Variants in DLGAP2 observed in about 807,000 individuals in gnomAD.
DLGAP2 encodes the protein DLG associated protein 2, also known as disks large-associated protein 2.
In DLGAP2, 26 loss-of-function variants were observed where a neutral mutation model predicts 100.3. That is an observed-to-expected ratio of 0.26 (90% CI 0.19 to 0.36). The LOEUF (loss-of-function observed/expected upper bound fraction) is 0.36. Ranked by LOEUF, DLGAP2 falls within the 10% of genes least tolerant of loss-of-function variation. The probability of loss-of-function intolerance (pLI) is 1.00; values close to 1 mark genes in which losing one functional copy is unlikely to be tolerated. For missense variants in DLGAP2, 1,858 were observed against 1,453.2 expected (o/e 1.28, Z -4.53); for synonymous variants, 886 against 630.1 (o/e 1.41, Z -6.08).
At chr8:974,526 G>C (rs1800113844) in intron 2 of DLGAP2, among the ~76,000 whole-genome samples, 1 of 152,092 alleles carries the variant, frequency 6.6e-6, no homozygotes, top group Admixed American at 6.5e-5. Flanking sequence ...AAATTTAAAA[G>C]ACTAGAAGTA....
At chr8:1,112,030 G>A (rs887522001) in intron 2 of DLGAP2, among the ~76,000 whole-genome samples, 2 of 152,078 alleles carry the variant, frequency 1.3e-5, no homozygotes, top group East Asian at 1.9e-4. Flanking sequence ...CACCGACAGT[G>A]TATAAGTGTT....
intron 2 of DLGAP2, among the ~76,000 whole-genome samples, chr8:1,187,185 G>A (rs1049527398): frequency 6.6e-6 from 1 of 152,180 alleles, no homozygotes; most frequent in African/African-American, 2.4e-5. Flanking sequence ...ACAACACCTG[G>A]GACCTCTGTG....
intron 2 of DLGAP2, among the ~76,000 whole-genome samples, chr8:1,031,228 G>T (rs1359209028): frequency 1.3e-5 from 2 of 152,126 alleles, no homozygotes; most frequent in Non-Finnish European, 2.9e-5. Flanking sequence ...AGGGTGGCAA[G>T]AGAGGAGGGC....
intron 2 of DLGAP2, among the ~76,000 whole-genome samples, chr8:1,142,726 A>G (rs958131075): frequency 2.0e-5 from 3 of 152,054 alleles, no homozygotes; most frequent in African/African-American, 7.2e-5. Flanking sequence ...TCATCCCTGC[A>G]TTATTGGAGT....
intron 3 of DLGAP2, among the ~76,000 whole-genome samples, chr8:1,465,100 G>C (rs1488383253): frequency 6.6e-6 from 1 of 152,196 alleles, no homozygotes; most frequent in Non-Finnish European, 1.5e-5. Flanking sequence ...ACATTCACCT[G>C]GCGGGAACCT....
intron 1 of DLGAP2, among the ~76,000 whole-genome samples, chr8:771,546 G>C (rs1460760645): frequency 6.6e-6 from 1 of 152,184 alleles, no homozygotes; most frequent in East Asian, 1.9e-4. Context: ...AAAATTTGTG[G>C]ATTGCCAGGG....
intron 2 of DLGAP2, among the ~76,000 whole-genome samples, chr8:1,021,821 G>T (rs1020835321): frequency 6.6e-6 from 1 of 152,122 alleles, no homozygotes; most frequent in Non-Finnish European, 1.5e-5. Context: ...GTCAGTGGTG[G>T]GAGGAGGCAG....
chr8:778,656 G>A (rs1344444775), intron 1 of DLGAP2, among the ~76,000 whole-genome samples: 1 of 152,184 alleles, frequency 6.6e-6, no homozygotes, highest in African/African-American at 2.4e-5. Flanking sequence ...GCTGCTCAGG[G>A]GTCAGGGGTC....
rs188780190 is a variant in DLGAP2 at position 1,392,264 on chromosome 8, C to T, written c.107-109102C>T. Among the ~76,000 whole-genome samples the T allele has an allele frequency of 9.4e-3, 1,435 of 152,216 alleles. 10 individuals are homozygous for T. The highest frequency in any genetic ancestry group is 0.014 in the Non-Finnish European group (974 of 68,012). ...AGGATGAGTCATTCCTCCATGAGTC[C>T]AGATCCCAGGTCGAGGCGCAGTCCA... is the stretch of plus-strand genomic sequence containing the variant. On this transcript the variant is annotated intron_variant, in intron 3 of 14. Coordinates refer to ENST00000637795, the MANE Select transcript of DLGAP2 (RefSeq NM_001346810.2).
intron 1 of DLGAP2, among the ~76,000 whole-genome samples, chr8:904,730 C>T (rs1170677755): frequency 6.6e-6 from 1 of 152,192 alleles, no homozygotes; most frequent in Non-Finnish European, 1.5e-5. Context: ...GGGGTGACCG[C>T]TGAGTATATT....
intron 13 of DLGAP2, among the ~76,000 whole-genome samples, chr8:1,693,179 C>T (rs1211259771): frequency 6.8e-6 from 1 of 147,082 alleles, no homozygotes; most frequent in Non-Finnish European, 1.5e-5. Flanking sequence ...TTTATATATA[C>T]AAATATATAG....
At chr8:847,151 A>T (rs1020847518) in intron 1 of DLGAP2, among the ~76,000 whole-genome samples, 4 of 152,200 alleles carry the variant, frequency 2.6e-5, no homozygotes, top group Non-Finnish European at 5.9e-5. Context: ...CTGATTCAAT[A>T]ACTGTTATGG....
At chr8:1,572,690 G>T (rs1317549344) in intron 6 of DLGAP2, among the ~76,000 whole-genome samples, 1 of 126,740 alleles carries the variant, frequency 7.9e-6, no homozygotes, top group Non-Finnish European at 1.7e-5. Context: ...AGGAGAGAGG[G>T]TGGACTGTGG....
chr8:910,687 C>T (rs959550631), intron 2 of DLGAP2: 5 of 152,230 alleles, frequency 3.3e-5, no homozygotes, highest in East Asian at 1.9e-4. Context: ...GCGTTGAAGC[C>T]GAGATACACG....
chr8:1,118,132 G>T (rs1249628236), intron 2 of DLGAP2, among the ~76,000 whole-genome samples: 2 of 152,174 alleles, frequency 1.3e-5, no homozygotes, highest in African/African-American at 4.8e-5. Flanking sequence ...GGCGGAGTGG[G>T]GAAATTAACC....
At chr8:1,205,423 C>G (rs1797969571) in intron 2 of DLGAP2, among the ~76,000 whole-genome samples, 2 of 151,506 alleles carry the variant, frequency 1.3e-5, no homozygotes, top group African/African-American at 4.9e-5. Flanking sequence ...TCAGCCGGCT[C>G]TTCCTGAAAA....
chr8:1,339,361 A>C (rs1237569029), intron 3 of DLGAP2, among the ~76,000 whole-genome samples: 4 of 151,944 alleles, frequency 2.6e-5, no homozygotes, highest in Non-Finnish European at 5.9e-5. Flanking sequence ...GAGGGAATGC[A>C]GTGACTTCAG....
At chr8:1,088,405 G>C (rs932145363) in intron 2 of DLGAP2, among the ~76,000 whole-genome samples, 1 of 152,080 alleles carries the variant, frequency 6.6e-6, no homozygotes, top group Non-Finnish European at 1.5e-5. Flanking sequence ...CCTCATCTGC[G>C]TGCTGTTGGC....
chr8:1,354,202 A>C (rs1801797393), intron 3 of DLGAP2, among the ~76,000 whole-genome samples: 1 of 152,172 alleles, frequency 6.6e-6, no homozygotes, highest in South Asian at 2.1e-4. Context: ...ATGTAATTTA[A>C]GAAAAAGAAA....
Sources: gnomAD v4.1 joint callset for allele counts (sites outside exome capture counted in the v4.1 genomes callset) on GRCh38, gnomAD v4.1.1 for gene constraint, MANE v1.5 for transcripts, NCBI Gene and HGNC (gene_info 2026-07-23, HGNC 2026-07-21) for gene names.